DGKB: variants seen among roughly 807,000 people sequenced by gnomAD.
The protein encoded by DGKB is 90 kDa diacylglycerol kinase.
In DGKB, 67 loss-of-function variants were observed where a neutral mutation model predicts 114.3. The observed-to-expected ratio is 0.59, with a 90% CI of 0.48 to 0.72. The LOEUF (loss-of-function observed/expected upper bound fraction) is 0.72, where lower values mean the gene tolerates loss of function less well. DGKB is among the 30% of genes least tolerant of loss of function. The pLI is 0.00. For synonymous variants in DGKB, 398 were observed against 323.1 expected (o/e 1.23, Z -2.49); for missense variants, 907 against 975.2 (o/e 0.93, Z 0.93).
chr7:14,389,040 A>C (rs1466701677), intron 21 of DGKB, among the ~76,000 whole-genome samples: 1 of 151,918 alleles, frequency 6.6e-6, no homozygotes, highest in Non-Finnish European at 1.5e-5. Flanking sequence ...TGAACAATAA[A>C]TTACAAATCA....
At chr7:14,962,227 C>A (rs1418321495) in intron 1 of DGKB, among the ~76,000 whole-genome samples, 1 of 152,070 alleles carries the variant, frequency 6.6e-6, no homozygotes, top group Non-Finnish European at 1.5e-5. Context: ...TATCCATATT[C>A]TGAGTACCAT....
At chr7:14,886,927 TAA>T (rs1211638531) in intron 1 of DGKB, among the ~76,000 whole-genome samples, 1 of 151,984 alleles carries the variant, frequency 6.6e-6, no homozygotes, top group Non-Finnish European at 1.5e-5. Context: ...TTCTAGCTCT[TAA>T]GTCAGCCTTG....
At chr7:14,948,235 T>C (rs1785988087) in intron 1 of DGKB, among the ~76,000 whole-genome samples, 1 of 151,840 alleles carries the variant, frequency 6.6e-6, no homozygotes, top group Non-Finnish European at 1.5e-5. Context: ...ATTTTAACTT[T>C]ATTTATTATA....
chr7:14,960,893 G>C (rs1786804805), intron 1 of DGKB, among the ~76,000 whole-genome samples: 3 of 152,020 alleles, frequency 2.0e-5, no homozygotes. Context: ...TAAGCCATTG[G>C]TAAATGTTTT....
At chr7:14,311,657 CT>C (rs577422661) in intron 23 of DGKB, among the ~76,000 whole-genome samples, 115 of 152,236 alleles carry the variant, frequency 7.6e-4, no homozygotes, top group South Asian at 1.5e-3. Flanking sequence ...AACTCCCGGG[CT>C]CAAGTGATGT....
intron 20 of DGKB, among the ~76,000 whole-genome samples, chr7:14,518,004 A>G (rs745721694): frequency 6.6e-6 from 1 of 152,176 alleles, no homozygotes; most frequent in Non-Finnish European, 1.5e-5. Flanking sequence ...ATAAAGACAC[A>G]TGCACGCATA....
intron 2 of DGKB, among the ~76,000 whole-genome samples, chr7:14,828,122 A>G (rs1845939356): frequency 1.3e-5 from 2 of 152,158 alleles, no homozygotes; most frequent in Non-Finnish European, 2.9e-5. Flanking sequence ...ACAAGAGCAG[A>G]TAAAATAAAT....
intron 20 of DGKB, among the ~76,000 whole-genome samples, chr7:14,537,796 C>G (rs1196989984): frequency 1.3e-5 from 2 of 152,042 alleles, no homozygotes; most frequent in Non-Finnish European, 2.9e-5. Context: ...ATACGTGGGA[C>G]TGGGCTGGGC....
intron 19 of DGKB, among the ~76,000 whole-genome samples, chr7:14,580,592 C>A (rs73680451): frequency 3.3e-3 from 508 of 152,130 alleles, no homozygotes; most frequent in African/African-American, 0.011. Context: ...ACAAAAAAAT[C>A]AAAAACCAAA....
chr7:14,951,018 A>G (rs1786173842), intron 1 of DGKB, among the ~76,000 whole-genome samples: 1 of 151,998 alleles, frequency 6.6e-6, no homozygotes, highest in Non-Finnish European at 1.5e-5. Flanking sequence ...TAGACACAGT[A>G]AAAACATTAG....
At chr7:14,450,040 ATT>A (rs1397360962) in intron 21 of DGKB, among the ~76,000 whole-genome samples, 1 of 152,074 alleles carries the variant, frequency 6.6e-6, no homozygotes, top group Non-Finnish European at 1.5e-5. Flanking sequence ...ACAGGAACTA[ATT>A]TTGATTTTAT....
At chr7:14,431,047 A>T (rs966649610) in intron 21 of DGKB, among the ~76,000 whole-genome samples, 4 of 152,006 alleles carry the variant, frequency 2.6e-5, no homozygotes, top group Non-Finnish European at 5.9e-5. Context: ...AGGCGATGTG[A>T]CTTTCCTGGC....
At chr7:14,429,175 C>T (rs1226032154) in intron 21 of DGKB, among the ~76,000 whole-genome samples, 1 of 151,830 alleles carries the variant, frequency 6.6e-6, no homozygotes, top group Non-Finnish European at 1.5e-5. Flanking sequence ...TGTTTGAGTC[C>T]CCCCAAAATG....
chr7:14,622,070 A>G (rs918531833), intron 14 of DGKB, among the ~76,000 whole-genome samples: 9 of 151,946 alleles, frequency 5.9e-5, no homozygotes, highest in African/African-American at 2.2e-4. Flanking sequence ...TCTTAACACA[A>G]CCCAATCAAC....
At chr7:14,371,712 C>T (rs1054562364) in intron 21 of DGKB, among the ~76,000 whole-genome samples, 1 of 152,200 alleles carries the variant, frequency 6.6e-6, no homozygotes, top group East Asian at 1.9e-4. Context: ...GCTTTTGTTG[C>T]CATCACCTTT....
At chr7:14,811,164 G>A (rs772884009) in intron 2 of DGKB, among the ~76,000 whole-genome samples, 6 of 152,060 alleles carry the variant, frequency 3.9e-5, no homozygotes, top group Non-Finnish European at 7.4e-5. Flanking sequence ...GCTGAAATAC[G>A]CCAGATTTCT....
intron 20 of DGKB, among the ~76,000 whole-genome samples, chr7:14,547,393 T>C (rs571517291): frequency 6.6e-6 from 1 of 152,314 alleles, no homozygotes; most frequent in South Asian, 2.1e-4. Context: ...TGTATGACAA[T>C]TATATTATGA....
At chr7:14,413,008 G>A (rs1825138487) in intron 21 of DGKB, among the ~76,000 whole-genome samples, 1 of 151,818 alleles carries the variant, frequency 6.6e-6, no homozygotes, top group Admixed American at 6.6e-5. Flanking sequence ...AGTGAGATGA[G>A]GAGTACCGTG....
intron 23 of DGKB, chr7:14,192,186 G>T: frequency 3.4e-6 from 1 of 290,222 alleles, no homozygotes; most frequent in Non-Finnish European, 6.8e-6. Context: ...CCTATTTGTA[G>T]ATGTTATAAT....
Sources: allele counts gnomAD v4.1 joint callset (sites outside exome capture counted in the v4.1 genomes callset), GRCh38; gene constraint gnomAD v4.1.1; transcripts MANE v1.5; gene names NCBI Gene and HGNC (gene_info 2026-07-23, HGNC 2026-07-21).